FARS2: variants seen among roughly 807,000 people sequenced by gnomAD.
FARS2 encodes the protein phenylalanyl-tRNA synthetase 2, mitochondrial, also known as phenylalanine--tRNA ligase, mitochondrial.
In FARS2, 40 loss-of-function variants were observed where a neutral mutation model predicts 46.4. That is an observed-to-expected ratio of 0.86 (90% confidence interval 0.67 to 1.12). The LOEUF is 1.12. Ranked by LOEUF, FARS2 falls within the 50% of genes most tolerant of loss-of-function variation. The pLI is 0.00. For missense variants in FARS2, 513 were observed against 567.9 expected, an observed-to-expected ratio of 0.90 and a Z score of 0.98; for synonymous variants, 234 against 214.9, an observed-to-expected ratio of 1.09 and a Z score of -0.78.
At chr6:5,758,923 A>G (rs1282809643) in intron 6 of FARS2, among the ~76,000 whole-genome samples, 2 of 152,200 alleles carry the variant, frequency 1.3e-5, no homozygotes, top group African/African-American at 4.8e-5. Flanking sequence ...TGCCACATAC[A>G]GTGTAATTTA....
chr6:5,614,642 G>A (rs1354863234), intron 6 of FARS2, among the ~76,000 whole-genome samples: 1 of 152,044 alleles, frequency 6.6e-6, no homozygotes, highest in African/African-American at 2.4e-5. Context: ...CTCATGATCC[G>A]CCCGCCTGGG....
At chr6:5,721,013 A>G (rs1319982605) in intron 6 of FARS2, among the ~76,000 whole-genome samples, 1 of 152,204 alleles carries the variant, frequency 6.6e-6, no homozygotes, top group Non-Finnish European at 1.5e-5. Flanking sequence ...TGATCATACC[A>G]CTATACTCTA....
At chr6:5,305,995 G>A in intron 1 of FARS2, among the ~76,000 whole-genome samples, 1 of 152,124 alleles carries the variant, frequency 6.6e-6, no homozygotes, top group East Asian at 1.9e-4. Context: ...CATTTTAAAG[G>A]GAGAACATAT....
At chr6:5,500,832 G>C (rs542918182) in intron 4 of FARS2, among the ~76,000 whole-genome samples, 150 of 152,144 alleles carry the variant, frequency 9.9e-4, no homozygotes, top group African/African-American at 3.5e-3. Flanking sequence ...GAAGAGGGTA[G>C]TTCTGGTATT....
At chr6:5,708,406 A>T (rs1431995893) in intron 6 of FARS2, among the ~76,000 whole-genome samples, 1 of 152,168 alleles carries the variant, frequency 6.6e-6, no homozygotes, top group East Asian at 1.9e-4. Context: ...GTCCTACATG[A>T]TCAGTGAGCT....
At chr6:5,478,557 C>G (rs951477464) in intron 4 of FARS2, among the ~76,000 whole-genome samples, 5 of 152,174 alleles carry the variant, frequency 3.3e-5, no homozygotes, top group African/African-American at 1.2e-4. Flanking sequence ...TCTGTTCATC[C>G]CAGTCTATGC....
At chr6:5,440,006 G>A (rs947305068) in intron 4 of FARS2, among the ~76,000 whole-genome samples, 1 of 152,172 alleles carries the variant, frequency 6.6e-6, no homozygotes, top group Non-Finnish European at 1.5e-5. Context: ...CTGCCAGAAT[G>A]GAGATGTCTG....
chr6:5,717,929 T>TAGAGAGAGAGAGAGAGAGAG lies in FARS2; in HGVS notation c.1218-53361_1218-53360insGAGAGAGAGAGAGAGAGAGA, dbSNP rs372348270. On this transcript the variant is annotated intron_variant, in intron 6 of 6. Transcript: ENST00000274680. ...TCAGCTATATATATATATATATATA[T>TAGAGAGAGAGAGAGAGAGAG]ATATATACAGAGTCTCACTCTGTCG... Among the ~76,000 whole-genome samples the TAGAGAGAGAGAGAGAGAGAG allele has an allele frequency of 4.3e-3, 452 of 105,016 alleles. 5 individuals carry two copies. The highest frequency in any genetic ancestry group is 0.012 in the African/African-American group (198 of 16,722). The allele number at this position is 105,016 out of a possible 152,430, so 68.9% of individuals were successfully genotyped here.
chr6:5,696,990 G>T (rs1391690493), intron 6 of FARS2, among the ~76,000 whole-genome samples: 1 of 152,196 alleles, frequency 6.6e-6, no homozygotes, highest in Non-Finnish European at 1.5e-5. Context: ...AGTTTCTCTA[G>T]CTAGGTGAGT....
At chr6:5,641,255 A>G (rs1776801548) in intron 6 of FARS2, among the ~76,000 whole-genome samples, 3 of 151,680 alleles carry the variant, frequency 2.0e-5, no homozygotes, top group Non-Finnish European at 1.5e-5. Context: ...CACTCTGTAA[A>G]CTGCACTATC....
chr6:5,260,981 A>G, upstream of FARS2: 1 of 1,185,166 alleles, frequency 8.4e-7, no homozygotes, highest in Non-Finnish European at 1.0e-6. Context: ...GCTGGGAGGG[A>G]GATGCCTCCG....
intron 4 of FARS2, among the ~76,000 whole-genome samples, chr6:5,511,464 C>T (rs1464544180): frequency 1.3e-5 from 2 of 152,238 alleles, no homozygotes; most frequent in East Asian, 3.9e-4. Context: ...GCTAATTAAT[C>T]ACAAATGGGC....
intron 5 of FARS2, among the ~76,000 whole-genome samples, chr6:5,606,331 C>T (rs1216312099): frequency 1.3e-5 from 2 of 151,874 alleles, no homozygotes; most frequent in Non-Finnish European, 1.5e-5. Context: ...CACTGACTGA[C>T]AGCAGACTCG....
At chr6:5,481,771 G>C (rs1283395834) in intron 4 of FARS2, among the ~76,000 whole-genome samples, 1 of 150,292 alleles carries the variant, frequency 6.7e-6, no homozygotes, top group African/African-American at 2.5e-5. Flanking sequence ...ATTCTGACAG[G>C]GATACTTAGG....
chr6:5,713,378 T>C (rs112757135), intron 6 of FARS2, among the ~76,000 whole-genome samples: 9,561 of 152,290 alleles, frequency 0.063, 337 homozygotes, highest in African/African-American at 0.095. Context: ...ACTACTTATT[T>C]TGGCAAATGC....
chr6:5,609,629 A>G (rs1373756685), intron 5 of FARS2: 1 of 1,207,718 alleles, frequency 8.3e-7, no homozygotes, highest in Non-Finnish European at 1.2e-6. Flanking sequence ...AGAAGCACTC[A>G]CCATCTCTTG....
At chr6:5,719,396 TAAAAA>T (rs55695285) in intron 6 of FARS2, among the ~76,000 whole-genome samples, 1 of 123,056 alleles carries the variant, frequency 8.1e-6, no homozygotes, top group South Asian at 2.7e-4. Flanking sequence ...CAAAAAAAAT[TAAAAA>T]AAAAAAAAAA....
At chr6:5,699,893 C>T (rs1758315936) in intron 6 of FARS2, among the ~76,000 whole-genome samples, 1 of 152,104 alleles carries the variant, frequency 6.6e-6, no homozygotes, top group South Asian at 2.1e-4. Context: ...AGGTGACTAT[C>T]ATGGGTGAGA....
At chr6:5,759,022 G>A (rs1762354644) in intron 6 of FARS2, among the ~76,000 whole-genome samples, 1 of 152,158 alleles carries the variant, frequency 6.6e-6, no homozygotes, top group African/African-American at 2.4e-5. Flanking sequence ...AGATGGTGGT[G>A]CTCTAAACTG....
Sources: gnomAD v4.1 joint callset for allele counts (sites outside exome capture counted in the v4.1 genomes callset) on GRCh38, gnomAD v4.1.1 for gene constraint, MANE v1.5 for transcripts, NCBI Gene and HGNC (gene_info 2026-07-23, HGNC 2026-07-21) for gene names.